The following HYAL4 variants were observed in gnomAD, a reference collection of about 807,000 sequenced individuals.
HYAL4 encodes hyaluronidase-4.
HYAL4 carries 37 observed loss-of-function variants against 35.2 expected under a neutral mutation model. That is an observed-to-expected ratio of 1.05 (90% CI 0.81 to 1.38). The LOEUF is 1.38. Ranked by LOEUF, HYAL4 falls within the 40% of genes most tolerant of loss-of-function variation. The pLI is 0.00. For synonymous variants in HYAL4, 198 were observed against 203.2 expected (o/e 0.97, Z 0.22); for missense variants, 572 against 572.4 (o/e 1.00, Z 0.01).
upstream of HYAL4, among the ~76,000 whole-genome samples, chr7:123,844,883 A>C (rs1806143839): frequency 6.6e-6 from 1 of 152,116 alleles, no homozygotes; most frequent in African/African-American, 2.4e-5. Context: ...GTCCTTGGGA[A>C]AAGCACTATT....
upstream of HYAL4, among the ~76,000 whole-genome samples, chr7:123,824,474 A>G (rs545394477): frequency 7.9e-5 from 12 of 152,108 alleles, no homozygotes; most frequent in Non-Finnish European, 1.3e-4. Context: ...TTTCCTGCTG[A>G]AAGCCTTTTG....
At chr7:123,814,057 TAA>T in the HYAL4 span, 53 of 152,320 alleles carry the variant, frequency 3.5e-4, no homozygotes, top group African/African-American at 1.2e-3. Context: ...CCACAAAACT[TAA>T]GAGACATTTG....
the HYAL4 span, among the ~76,000 whole-genome samples, chr7:123,777,144 A>C: frequency 6.6e-6 from 1 of 152,148 alleles, no homozygotes; most frequent in Non-Finnish European, 1.5e-5. Flanking sequence ...TGTAATTTTT[A>C]TGAAAGAAAT....
At chr7:123,852,263 T>A (rs1806322078) in intron 2 of HYAL4, among the ~76,000 whole-genome samples, 1 of 152,236 alleles carries the variant, frequency 6.6e-6, no homozygotes, top group Non-Finnish European at 1.5e-5. Context: ...TTTGTCAATT[T>A]TGGCTTTTGT....
chr7:123,833,268 C>T (rs1375401965), intron 1 of HYAL4, among the ~76,000 whole-genome samples: 1 of 152,126 alleles, frequency 6.6e-6, no homozygotes. Context: ...TTGATGACGG[C>T]CATTCTTGCA....
chr7:123,769,209 T>C, the HYAL4 span, among the ~76,000 whole-genome samples: 65 of 152,316 alleles, frequency 4.3e-4, 1 homozygote, highest in Non-Finnish European at 1.8e-4. Flanking sequence ...GTCAAGTACA[T>C]GTTCAAGACA....
At chr7:123,774,894 C>T in the HYAL4 span, among the ~76,000 whole-genome samples, 1 of 152,206 alleles carries the variant, frequency 6.6e-6, no homozygotes, top group African/African-American at 2.4e-5. Context: ...TCACTACTTC[C>T]AGGATGCTTT....
intron 2 of HYAL4, among the ~76,000 whole-genome samples, chr7:123,865,334 A>G (rs1410482492): frequency 6.6e-6 from 1 of 152,204 alleles, no homozygotes; most frequent in Non-Finnish European, 1.5e-5. Context: ...ATGCATATGT[A>G]AATCTATTTT....
chr7:123,845,716 T>A (rs1806160287), intron 1 of HYAL4, 31 bp downstream of exon 1: 1 of 152,176 alleles, frequency 6.6e-6, no homozygotes, highest in Non-Finnish European at 1.5e-5. Flanking sequence ...GGGGGGGATG[T>A]TAAAGAAAGT....
intron 1 of HYAL4, among the ~76,000 whole-genome samples, chr7:123,839,900 T>C (rs1806025608): frequency 6.6e-6 from 1 of 152,200 alleles, no homozygotes; most frequent in Admixed American, 6.5e-5. Context: ...CTTTGTCAGA[T>C]GGATAGATTG....
chr7:123,876,331 C>T (rs1216879822), intron 4 of HYAL4, among the ~76,000 whole-genome samples: 1 of 152,196 alleles, frequency 6.6e-6, no homozygotes, highest in African/African-American at 2.4e-5. Flanking sequence ...CCCCACATAC[C>T]TGAATGGTAG....
chr7:123,863,877 A>G (rs1210431970), intron 2 of HYAL4, among the ~76,000 whole-genome samples: 1 of 152,120 alleles, frequency 6.6e-6, no homozygotes, highest in East Asian at 1.9e-4. Context: ...TCTTTGGGGA[A>G]GGAGTGAGAA....
At chr7:123,789,095 A>G in the HYAL4 span, among the ~76,000 whole-genome samples, 39 of 152,350 alleles carry the variant, frequency 2.6e-4, no homozygotes, top group Admixed American at 1.9e-3. Flanking sequence ...TCCAGCACAT[A>G]TTTATGAAGA....
chr7:123,847,102 T>TCTCC (rs1806190205), intron 1 of HYAL4, among the ~76,000 whole-genome samples: 1 of 152,134 alleles, frequency 6.6e-6, no homozygotes, highest in Admixed American at 6.6e-5. Context: ...ACAACGTGAG[T>TCTCC]CTCCATACAT....
At chr7:123,782,452 A>G in the HYAL4 span, among the ~76,000 whole-genome samples, 1 of 152,208 alleles carries the variant, frequency 6.6e-6, no homozygotes, top group African/African-American at 2.4e-5. Context: ...TACTAATAGC[A>G]GACGGGTATT....
chr7:123,856,564 A>C (rs569934349), intron 2 of HYAL4, among the ~76,000 whole-genome samples: 3 of 152,204 alleles, frequency 2.0e-5, no homozygotes, highest in African/African-American at 7.2e-5. Context: ...TTCCTCTGGA[A>C]GCTTTATCCC....
At chr7:123,822,708 C>G in the HYAL4 span, among the ~76,000 whole-genome samples, 1 of 152,118 alleles carries the variant, frequency 6.6e-6, no homozygotes, top group African/African-American at 2.4e-5. Context: ...CCTATAATCC[C>G]AGTACTTTGA....
chr7:123,852,499 C>A (rs1806330580), intron 2 of HYAL4, among the ~76,000 whole-genome samples: 1 of 152,136 alleles, frequency 6.6e-6, no homozygotes, highest in Non-Finnish European at 1.5e-5. Flanking sequence ...ATAGGGAATC[C>A]TTTTCCCCTT....
In HYAL4 at chr7:123,833,424, T is replaced by C. The variant is rs935863728; in HGVS notation, c.-257+4300T>C. ...TGTCCTAGCCCACTTTTTGATGAGA[T>C]TGTTTGTTTTTTTCTTGCTAATTTT... On this transcript the variant is annotated intron_variant, in intron 1 of 4. Transcript: ENST00000489978. 2.6e-5 allele frequency among the ~76,000 whole-genome samples: 4 copies of C among 151,768 alleles called. No homozygotes were observed. The East Asian group carries it at 7.7e-4, about 29-fold the overall frequency.
Sources: gnomAD v4.1 joint callset for allele counts (sites outside exome capture counted in the v4.1 genomes callset) on GRCh38, gnomAD v4.1.1 for gene constraint, MANE v1.5 for transcripts, NCBI Gene and HGNC (gene_info 2026-07-23, HGNC 2026-07-21) for gene names.